PLEKHA5: variants seen among roughly 807,000 people sequenced by gnomAD.
PLEKHA5 encodes the protein pleckstrin homology domain-containing family A member 5.
PLEKHA5 carries 55 observed loss-of-function variants against 181.9 expected under a neutral mutation model. The observed-to-expected ratio is 0.30, with a 90% CI of 0.24 to 0.38. PLEKHA5 has a LOEUF of 0.38. Ranked by LOEUF, PLEKHA5 falls within the 10% of genes least tolerant of loss-of-function variation. The pLI is 1.00. For missense variants in PLEKHA5, 1,432 were observed against 1,549.5 expected (o/e 0.92, Z 1.27); for synonymous variants, 535 against 529.4 (o/e 1.01, Z -0.15).
At chr12:19,337,123 G>T (rs887688825) in intron 21 of PLEKHA5, among the ~76,000 whole-genome samples, 2 of 151,504 alleles carry the variant, frequency 1.3e-5, no homozygotes, top group African/African-American at 4.8e-5. Context: ...GAGTAGCTGG[G>T]ATCACAGGCA....
chr12:19,194,439 C>A (rs189275948), intron 3 of PLEKHA5, among the ~76,000 whole-genome samples: 21 of 152,208 alleles, frequency 1.4e-4, no homozygotes, highest in Middle Eastern at 3.4e-3. Flanking sequence ...ATAATGAATT[C>A]TTTTCCTTTG....
intron 11 of PLEKHA5, among the ~76,000 whole-genome samples, chr12:19,281,906 C>A (rs2076261266): frequency 6.6e-6 from 1 of 152,022 alleles, no homozygotes; most frequent in African/African-American, 2.4e-5. Context: ...CTCAGCCTCC[C>A]AAGTAGCTGG....
At chr12:19,346,747 G>A (rs2094352880) in intron 23 of PLEKHA5, among the ~76,000 whole-genome samples, 1 of 152,132 alleles carries the variant, frequency 6.6e-6, no homozygotes, top group Non-Finnish European at 1.5e-5. Context: ...CTCTTTCAAT[G>A]TTGAGTTTCA....
chr12:19,229,318 C>T (rs947112233), intron 3 of PLEKHA5, among the ~76,000 whole-genome samples: 3 of 152,112 alleles, frequency 2.0e-5, no homozygotes, highest in Non-Finnish European at 2.9e-5. Flanking sequence ...AATGAAGCCG[C>T]GGACCCTTGC....
intron 20 of PLEKHA5, among the ~76,000 whole-genome samples, chr12:19,335,030 G>GT (rs11461419): frequency 0.67 from 62,267 of 92,494 alleles, 23,992 homozygotes; most frequent in Non-Finnish European, 0.86. Flanking sequence ...TCAGTTTTTT[G>GT]TTTTTTTTTT....
At chr12:19,288,367 T>C (rs1269727547) in intron 13 of PLEKHA5, among the ~76,000 whole-genome samples, 3 of 152,344 alleles carry the variant, frequency 2.0e-5, no homozygotes, top group East Asian at 1.9e-4. Flanking sequence ...GTCAGTGTTA[T>C]GTTAATTGGA....
At chr12:19,148,100 G>A (rs1032007828) in intron 3 of PLEKHA5, among the ~76,000 whole-genome samples, 20 of 150,238 alleles carry the variant, frequency 1.3e-4, no homozygotes, top group South Asian at 4.2e-4. Context: ...TCTGTTGCCC[G>A]GGCTGGAGTG....
intron 3 of PLEKHA5, among the ~76,000 whole-genome samples, chr12:19,175,731 T>G (rs1039226728): frequency 2.0e-5 from 3 of 152,228 alleles, no homozygotes; most frequent in Non-Finnish European, 4.4e-5. Flanking sequence ...GTACATAACA[T>G]TGTTGAAACT....
chr12:19,208,642 G>A (rs2056238289), intron 3 of PLEKHA5, among the ~76,000 whole-genome samples: 2 of 152,096 alleles, frequency 1.3e-5, no homozygotes, highest in African/African-American at 4.8e-5. Flanking sequence ...TTAAATAGCA[G>A]TTTTCTTTGC....
chr12:19,241,767 AAAAAAG>A (rs976572754), intron 3 of PLEKHA5, among the ~76,000 whole-genome samples: 18 of 152,130 alleles, frequency 1.2e-4, no homozygotes, highest in African/African-American at 3.9e-4. Flanking sequence ...TCTAAAAAAA[AAAAAAG>A]AAAAGAAAAA....
chr12:19,264,350 T>G (rs2069582936), intron 7 of PLEKHA5, among the ~76,000 whole-genome samples: 1 of 151,318 alleles, frequency 6.6e-6, no homozygotes, highest in Admixed American at 6.6e-5. Context: ...GAAGCAACTT[T>G]AGAAAAGATT....
intron 3 of PLEKHA5, among the ~76,000 whole-genome samples, chr12:19,174,147 T>C (rs2046636912): frequency 6.6e-6 from 1 of 152,200 alleles, no homozygotes; most frequent in South Asian, 2.1e-4. Context: ...TTTTAAGATA[T>C]TTCTTTAATA....
In PLEKHA5 at chr12:19,233,289, A is replaced by G. The variant is rs149987391; in HGVS notation, c.228-20651A>G. Among the ~76,000 whole-genome samples, 6 of 152,210 alleles carry G rather than the reference A, an allele frequency of 3.9e-5. No individual in the cohort carries two copies. The East Asian group carries it at 1.2e-3, about 29-fold the overall frequency. Reference sequence around the variant, plus strand: ...TGCCTCTGTTTAAACTTGGGATTTAATGTGCAGTTGTGCTTTTCTCGTACT... The same window carrying G: ...TGCCTCTGTTTAAACTTGGGATTTAGTGTGCAGTTGTGCTTTTCTCGTACT... On this transcript the variant is annotated intron_variant, in intron 3 of 31. Transcript: ENST00000429027.
intron 3 of PLEKHA5, among the ~76,000 whole-genome samples, chr12:19,253,104 T>A (rs1356849093): frequency 7.6e-6 from 1 of 132,414 alleles, no homozygotes; most frequent in Non-Finnish European, 1.6e-5. Context: ...AGACAGAGGC[T>A]TGCTCTGTTG....
At chr12:19,286,486 A>G (rs1226250193) in intron 12 of PLEKHA5, among the ~76,000 whole-genome samples, 3 of 152,306 alleles carry the variant, frequency 2.0e-5, no homozygotes, top group Non-Finnish European at 4.4e-5. Flanking sequence ...TTTTCTTCAC[A>G]TACTTCCACT....
intron 12 of PLEKHA5, among the ~76,000 whole-genome samples, chr12:19,286,204 G>A (rs1374867658): frequency 6.6e-6 from 1 of 152,106 alleles, no homozygotes; most frequent in East Asian, 1.9e-4. Context: ...TCAATATTTA[G>A]AACATTGCAT....
chr12:19,170,887 C>G (rs1245001557), intron 3 of PLEKHA5, among the ~76,000 whole-genome samples: 1 of 152,054 alleles, frequency 6.6e-6, no homozygotes, highest in Non-Finnish European at 1.5e-5. Context: ...TGCCACAGAC[C>G]CTACATTTAT....
intron 3 of PLEKHA5, among the ~76,000 whole-genome samples, chr12:19,146,436 A>G (rs1846746435): frequency 1.3e-5 from 2 of 152,180 alleles, no homozygotes; most frequent in Non-Finnish European, 2.9e-5. Flanking sequence ...TATCTAGGCC[A>G]GTTAGCTTAG....
At chr12:19,369,485 G>A (rs1279117319) in intron 30 of PLEKHA5, among the ~76,000 whole-genome samples, 1 of 152,078 alleles carries the variant, frequency 6.6e-6, no homozygotes, top group Non-Finnish European at 1.5e-5. Context: ...TTCAAGACCA[G>A]CCTGGTCAAC....
Sources: gnomAD v4.1 joint callset for allele counts (sites outside exome capture counted in the v4.1 genomes callset) on GRCh38, gnomAD v4.1.1 for gene constraint, MANE v1.5 for transcripts, NCBI Gene and HGNC (gene_info 2026-07-23, HGNC 2026-07-21) for gene names.